Variants in ANTXR2 observed in about 807,000 individuals in gnomAD.
ANTXR2 encodes ANTXR cell adhesion molecule 2, also known as anthrax toxin receptor 2.
A neutral mutation model predicts 73.7 loss-of-function variants in ANTXR2; 44 were observed. That is an observed-to-expected ratio of 0.60 (90% CI 0.47 to 0.77). The LOEUF (loss-of-function observed/expected upper bound fraction) is 0.77. ANTXR2 is among the 30% of genes least tolerant of loss of function. The pLI is 0.00. For synonymous variants in ANTXR2, 217 were observed against 205.9 expected (o/e 1.05, Z -0.46); for missense variants, 604 against 592.5 (o/e 1.02, Z -0.20).
At chr4:79,984,596 AT>A (rs1730027343) in intron 13 of ANTXR2, among the ~76,000 whole-genome samples, 1 of 152,152 alleles carries the variant, frequency 6.6e-6, no homozygotes, top group Non-Finnish European at 1.5e-5. Flanking sequence ...TGTACTATTG[AT>A]TCCAATGGCC....
At chr4:79,929,050 G>A (rs1351671112) in intron 16 of ANTXR2, among the ~76,000 whole-genome samples, 2 of 152,048 alleles carry the variant, frequency 1.3e-5, no homozygotes, top group Admixed American at 1.3e-4. Flanking sequence ...TTAGAGTGCG[G>A]GGCAAAAGAA....
At chr4:79,950,154 C>T (rs994036841) in intron 16 of ANTXR2, among the ~76,000 whole-genome samples, 3 of 152,090 alleles carry the variant, frequency 2.0e-5, no homozygotes, top group Non-Finnish European at 2.9e-5. Context: ...AATCATCAAT[C>T]CTAAAAAAGT....
In ANTXR2 at chr4:80,055,947, A is replaced by G. The variant is rs749246517; in HGVS notation, c.363T>C (p.His121=). The change falls in exon 4 of 17, where the codon CAT becomes CAC. Residue 121 remains histidine, a synonymous_variant. Transcript: ENST00000403729. ...AATAACTTACTAGCTTTAGTCCTTC[A>G]TGGATATATGTCTCTCCTACTGGAC... ...RVSPVGETYI[H]EGLKLANEQI... is the part of the protein sequence containing the mutation. 2.6e-6 allele frequency: 4 copies of G among 1,555,792 alleles called. No individual in the cohort carries two copies. The highest frequency in any genetic ancestry group is 2.3e-5 in the East Asian group (1 of 42,668).
intron 16 of ANTXR2, among the ~76,000 whole-genome samples, chr4:79,937,045 TATTA>T (rs141873131): frequency 0.042 from 5,863 of 139,702 alleles, 370 homozygotes; most frequent in African/African-American, 0.14. Flanking sequence ...AAGAAAAATG[TATTA>T]ATAATTTTTA....
At position 80,072,709 on chromosome 4, in the gene ANTXR2, C is replaced by G. The variant is rs1734872533; in HGVS notation, c.-149G>C. On this transcript the variant is annotated 5_prime_UTR_variant, in exon 1 of 17. Coordinates refer to ENST00000403729, the MANE Select transcript of ANTXR2 (RefSeq NM_058172.6). ...CGGCGCCTGCGGCAGCGGGACCCACCAGCTGACAGGGAGGGAGAGAGGGAG... is the reference window on the plus strand; with the variant it reads ...CGGCGCCTGCGGCAGCGGGACCCACGAGCTGACAGGGAGGGAGAGAGGGAG... 3.5e-5 allele frequency: 47 copies of G among 1,349,418 alleles called. No homozygotes were observed. The highest frequency in any genetic ancestry group is 4.4e-5 in the Non-Finnish European group (46 of 1,055,940). The allele number at this position is 1,349,418 out of a possible 1,614,324, so 83.6% of individuals were successfully genotyped here. A position where few individuals can be genotyped will look rare whatever the true frequency, so the allele number is the denominator to read the frequency against.
intron 16 of ANTXR2, among the ~76,000 whole-genome samples, chr4:79,910,435 G>A (rs531315695): frequency 6.0e-5 from 9 of 151,140 alleles, no homozygotes; most frequent in African/African-American, 2.2e-4. Flanking sequence ...CTTGAACCCG[G>A]GAGGCGGAGG....
chr4:79,952,010 T>A (rs1728725578), intron 16 of ANTXR2, among the ~76,000 whole-genome samples: 1 of 152,058 alleles, frequency 6.6e-6, no homozygotes. Flanking sequence ...TATTTTGGGG[T>A]TTCAAAGACT....
intron 3 of ANTXR2, among the ~76,000 whole-genome samples, chr4:80,059,516 A>T (rs781353807): frequency 4.6e-5 from 7 of 151,930 alleles, no homozygotes; most frequent in Non-Finnish European, 7.4e-5. Context: ...ATACCATTAT[A>T]CCAGGCTACT....
chr4:80,037,499 T>G (rs1296372846), intron 7 of ANTXR2, among the ~76,000 whole-genome samples: 1 of 152,086 alleles, frequency 6.6e-6, no homozygotes, highest in Non-Finnish European at 1.5e-5. Flanking sequence ...CTCGTAAAAT[T>G]TTATATCTGA....
chr4:79,956,868 C>A (rs1728907876), intron 16 of ANTXR2, among the ~76,000 whole-genome samples: 1 of 151,952 alleles, frequency 6.6e-6, no homozygotes, highest in Non-Finnish European at 1.5e-5. Context: ...CCGGGCAAAT[C>A]AAGAAAAATA....
At chr4:80,030,540 C>T (rs1732642412) in intron 10 of ANTXR2, among the ~76,000 whole-genome samples, 1 of 152,004 alleles carries the variant, frequency 6.6e-6, no homozygotes, top group Non-Finnish European at 1.5e-5. Context: ...TTACATGATA[C>T]AGAAAACGAA....
intron 10 of ANTXR2, among the ~76,000 whole-genome samples, chr4:80,027,293 TA>T (rs1293627454): frequency 6.6e-6 from 1 of 152,022 alleles, no homozygotes; most frequent in Non-Finnish European, 1.5e-5. Flanking sequence ...AGAATTTATC[TA>T]ATCAAGAAAG....
At chr4:80,048,716 A>C (rs1733633105) in intron 7 of ANTXR2, among the ~76,000 whole-genome samples, 1 of 151,672 alleles carries the variant, frequency 6.6e-6, no homozygotes, top group Non-Finnish European at 1.5e-5. Context: ...ATGTCTTCTC[A>C]TTCCATTAAA....
chr4:79,985,067 G>A (rs1307326847), intron 12 of ANTXR2, among the ~76,000 whole-genome samples: 2 of 152,004 alleles, frequency 1.3e-5, no homozygotes, highest in Non-Finnish European at 2.9e-5. Flanking sequence ...GGTTGAAGTG[G>A]GCCAGGTGCG....
intron 16 of ANTXR2, among the ~76,000 whole-genome samples, chr4:79,913,576 T>A (rs1727229723): frequency 6.6e-6 from 1 of 152,210 alleles, no homozygotes; most frequent in South Asian, 2.1e-4. Flanking sequence ...ATCTAGGGCA[T>A]ATAATTTCTC....
chr4:80,038,472 T>A (rs1455090948), intron 7 of ANTXR2, among the ~76,000 whole-genome samples: 1 of 152,046 alleles, frequency 6.6e-6, no homozygotes, highest in Admixed American at 6.6e-5. Context: ...GCCCTGTATA[T>A]CCCCTATAAG....
chr4:80,006,186 T>A (rs1218875341), intron 12 of ANTXR2, among the ~76,000 whole-genome samples: 2 of 152,112 alleles, frequency 1.3e-5, no homozygotes, highest in African/African-American at 4.8e-5. Context: ...ACGCCGCTAT[T>A]AGGACTTCAG....
chr4:79,976,474 G>C (rs907140457), intron 16 of ANTXR2, among the ~76,000 whole-genome samples: 2 of 149,964 alleles, frequency 1.3e-5, no homozygotes, highest in African/African-American at 5.1e-5. Context: ...GCAACACCCA[G>C]AAGTTACCAC....
chr4:80,012,793 A>C (rs1360745438), intron 11 of ANTXR2, among the ~76,000 whole-genome samples: 3 of 152,224 alleles, frequency 2.0e-5, no homozygotes, highest in Non-Finnish European at 1.5e-5. Flanking sequence ...TGTTACACTC[A>C]TCAAACCATG....
Sources: allele counts gnomAD v4.1 joint callset (sites outside exome capture counted in the v4.1 genomes callset), GRCh38; gene constraint gnomAD v4.1.1; transcripts MANE v1.5; gene names NCBI Gene and HGNC (gene_info 2026-07-23, HGNC 2026-07-21).